Variants in PARD3B observed in about 807,000 individuals in gnomAD.
PARD3B encodes par-3 family cell polarity regulator beta, also known as partitioning defective 3 homolog B.
Under a neutral mutation model 130.2 loss-of-function variants are expected in PARD3B, and 103 were observed. That is an observed-to-expected ratio of 0.79 (90% confidence interval 0.67 to 0.93). The LOEUF (loss-of-function observed/expected upper bound fraction) is 0.93, where lower values mean the gene tolerates loss of function less well. Ranked by LOEUF, PARD3B falls within the 40% of genes least tolerant of loss-of-function variation. The pLI, the probability that PARD3B is intolerant of heterozygous loss-of-function variation, is 0.00. For synonymous variants in PARD3B, 583 were observed against 553.2 expected (o/e 1.05, Z -0.76); for missense variants, 1,609 against 1,499.2 (o/e 1.07, Z -1.21).
intron 2 of PARD3B, among the ~76,000 whole-genome samples, chr2:204,770,776 C>T (rs565955302): frequency 3.4e-4 from 51 of 152,196 alleles, no homozygotes; most frequent in African/African-American, 1.2e-3. Context: ...CCTCTGCTCA[C>T]CCTTCTCCCA....
chr2:204,627,572 A>G (rs1454526132), intron 1 of PARD3B, among the ~76,000 whole-genome samples: 6 of 152,164 alleles, frequency 3.9e-5, no homozygotes, highest in Admixed American at 1.3e-4. Flanking sequence ...AGAATTTCAT[A>G]TAAAAAGAAT....
At chr2:205,449,613 T>A (rs1416178093) in intron 20 of PARD3B, among the ~76,000 whole-genome samples, 1 of 152,194 alleles carries the variant, frequency 6.6e-6, no homozygotes, top group Non-Finnish European at 1.5e-5. Context: ...TTCTGTGAGC[T>A]GATGTAATAC....
At chr2:205,491,880 G>C (rs2049730006) in intron 20 of PARD3B, among the ~76,000 whole-genome samples, 1 of 152,160 alleles carries the variant, frequency 6.6e-6, no homozygotes, top group South Asian at 2.1e-4. Context: ...GTTGCATCCA[G>C]GTCAAAATGC....
chr2:205,550,826 AT>A lies in PARD3B; in HGVS notation c.3181-2494del, dbSNP rs893059472. On this transcript the variant is annotated intron_variant, in intron 21 of 22. Transcript: ENST00000406610. The surrounding 1 kb of genome is among the most constrained non-coding windows in gnomAD (Gnocchi z 4.5). ...TGCATATTTATATGTATATATGTAT[AT>A]TTTATGTATATTTGAATATTTTATA... Among the ~76,000 whole-genome samples, 1 of 148,604 alleles carries A rather than the reference AT, an allele frequency of 6.7e-6. No individual in the cohort carries two copies. Among genetic ancestry groups the A allele is most frequent in the East Asian group, 1.9e-4 (1 of 5,130 alleles).
chr2:204,926,592 A>G (rs1687637360), intron 2 of PARD3B, among the ~76,000 whole-genome samples: 1 of 152,026 alleles, frequency 6.6e-6, no homozygotes, highest in African/African-American at 2.4e-5. Context: ...TCCTCACAAC[A>G]TGTGAGTTCG....
chr2:204,925,904 G>A (rs1244004479), intron 2 of PARD3B, among the ~76,000 whole-genome samples: 3 of 151,856 alleles, frequency 2.0e-5, no homozygotes, highest in African/African-American at 7.3e-5. Context: ...TTTTATAAGG[G>A]GCTCTTCTAC....
intron 6 of PARD3B, among the ~76,000 whole-genome samples, chr2:205,113,785 G>C (rs958780445): frequency 6.6e-6 from 1 of 152,044 alleles, no homozygotes; most frequent in Non-Finnish European, 1.5e-5. Context: ...ATCAATCACT[G>C]TTTCTCCATT....
In PARD3B at chr2:205,518,442, C is replaced by T. The variant is rs138483666; in HGVS notation, c.3180+18411C>T. ...TTTTCTATTTGCTTGGTAGATTTTC[C>T]TCTGTCCCTTTATTTTGAGCCTACA... is the stretch of plus-strand genomic sequence containing the variant. On this transcript the variant is annotated intron_variant, in intron 21 of 22. Coordinates refer to ENST00000406610, the MANE Select transcript of PARD3B (RefSeq NM_001302769.2). Among the ~76,000 whole-genome samples the T allele has an allele frequency of 4.1e-3, 622 of 152,186 alleles. 6 individuals carry two copies. Among genetic ancestry groups the T allele is most frequent in the African/African-American group, 0.014 (589 of 41,520 alleles).
intron 21 of PARD3B, among the ~76,000 whole-genome samples, chr2:205,534,035 A>AAAAG (rs2051724151): frequency 6.7e-6 from 1 of 149,352 alleles, no homozygotes; most frequent in Admixed American, 6.8e-5. Context: ...GAAAAGAGAT[A>AAAAG]AAAGAAAAAG....
chr2:205,278,965 G>C (rs2041065921), intron 16 of PARD3B, among the ~76,000 whole-genome samples: 1 of 150,636 alleles, frequency 6.6e-6, no homozygotes. Context: ...CAGCTACTCG[G>C]GAGGCTGAGG....
Position 205,575,412 on chromosome 2 carries a change from TCTCTCGGTG to T in PARD3B, c.3260+22010_3260+22018del, listed in dbSNP as rs1243634640. Among the ~76,000 whole-genome samples, 1 of 151,708 alleles carries T rather than the reference TCTCTCGGTG, an allele frequency of 6.6e-6. No homozygotes were observed. The highest frequency in any genetic ancestry group is 1.5e-5 in the Non-Finnish European group (1 of 67,936). ...CAAAGCCCATAGTTTACATTAGCGC[TCTCTCGGTG>T]TTGTTCATTCTGTGGGTTTGGACAA... On this transcript the variant is annotated intron_variant, in intron 22 of 22. Transcript: ENST00000406610. This position sits in a 1 kb window ranked among gnomAD's most constrained non-coding sequence, Gnocchi z 4.6.
chr2:205,048,847 A>G (rs901118182), intron 4 of PARD3B, among the ~76,000 whole-genome samples: 5 of 152,192 alleles, frequency 3.3e-5, no homozygotes, highest in Admixed American at 1.3e-4. Flanking sequence ...CCACTAACCT[A>G]TTTAAAACTC....
intron 20 of PARD3B, among the ~76,000 whole-genome samples, chr2:205,441,706 G>A (rs945116496): frequency 1.3e-5 from 2 of 152,130 alleles, no homozygotes; most frequent in African/African-American, 4.8e-5. Context: ...TTTCAATTAG[G>A]TTGGGGAGAG....
rs1695718932 is a variant in PARD3B at position 205,011,595 on chromosome 2, G to C, written c.395-35986G>C. ...GAAGGAACTACATAGTGTAAATCCA[G>C]GCAGTGGGGCTTGCTAGGTGGCCGT... On this transcript the variant is annotated intron_variant, in intron 3 of 22. Transcript: ENST00000406610. This position sits in a 1 kb window ranked among gnomAD's most constrained non-coding sequence, Gnocchi z 4.1. Among the ~76,000 whole-genome samples the C allele has an allele frequency of 6.6e-6, 1 of 152,158 alleles. No homozygotes were observed. The highest frequency in any genetic ancestry group is 1.5e-5 in the Non-Finnish European group (1 of 68,024).
At chr2:204,997,070 C>G (rs1042937400) in intron 3 of PARD3B, among the ~76,000 whole-genome samples, 2 of 151,946 alleles carry the variant, frequency 1.3e-5, no homozygotes, top group African/African-American at 4.8e-5. Flanking sequence ...AGCTGTAGAC[C>G]GGAGCTGTTC....
intron 4 of PARD3B, among the ~76,000 whole-genome samples, chr2:205,097,086 C>CT (rs1702444705): frequency 6.6e-6 from 1 of 152,058 alleles, no homozygotes; most frequent in African/African-American, 2.4e-5. Context: ...AGATAGTCAT[C>CT]TTTTTGTCTT....
At chr2:204,713,628 T>C (rs957641385) in intron 2 of PARD3B, among the ~76,000 whole-genome samples, 4 of 152,102 alleles carry the variant, frequency 2.6e-5, no homozygotes, top group African/African-American at 9.7e-5. Context: ...TTGGCTATTC[T>C]AAGTACCTCA....
chr2:205,242,965 G>A (rs1405022248), intron 15 of PARD3B, among the ~76,000 whole-genome samples: 2 of 152,188 alleles, frequency 1.3e-5, no homozygotes, highest in Admixed American at 6.5e-5. Flanking sequence ...TCAGGAGTTC[G>A]AGACCAGCCT....
chr2:205,404,381 A>C (rs1178140701), intron 19 of PARD3B, among the ~76,000 whole-genome samples: 1 of 152,198 alleles, frequency 6.6e-6, no homozygotes, highest in Non-Finnish European at 1.5e-5. Flanking sequence ...ATATTACTCC[A>C]TTTTATATCA....
Sources: allele counts gnomAD v4.1 joint callset (sites outside exome capture counted in the v4.1 genomes callset), GRCh38; gene constraint gnomAD v4.1.1; non-coding constraint Gnocchi (gnomAD v3.1); transcripts MANE v1.5; gene names NCBI Gene and HGNC (gene_info 2026-07-23, HGNC 2026-07-21).